Variants in GTF2A1L observed in about 807,000 individuals in gnomAD.
GTF2A1L encodes the protein general transcription factor IIA subunit 1 like, also known as TFIIA-alpha and beta-like factor.
In GTF2A1L, 48 loss-of-function variants were observed where a neutral mutation model predicts 49.7. That is an observed-to-expected ratio of 0.97 (90% CI 0.77 to 1.23). The LOEUF (loss-of-function observed/expected upper bound fraction) is 1.23, where lower values mean the gene tolerates loss of function less well. Ranked by LOEUF, GTF2A1L falls within the 50% of genes most tolerant of loss-of-function variation. The pLI is 0.00. For missense variants in GTF2A1L, 736 were observed against 564.8 expected (o/e 1.30, Z -3.07); for synonymous variants, 246 against 193.5 (o/e 1.27, Z -2.25).
intron 6 of GTF2A1L, among the ~76,000 whole-genome samples, chr2:48,660,697 G>A (rs951071520): frequency 1.3e-5 from 2 of 152,028 alleles, no homozygotes; most frequent in Non-Finnish European, 2.9e-5. Flanking sequence ...GAAGTGCGGT[G>A]GTGTGTGATC....
At chr2:48,623,276 T>C (rs780331226) in intron 3 of GTF2A1L, among the ~76,000 whole-genome samples, 2 of 152,238 alleles carry the variant, frequency 1.3e-5, no homozygotes, top group Non-Finnish European at 2.9e-5. Flanking sequence ...TTTTTTTATC[T>C]CTTTTGATAG....
chr2:48,665,672 G>A (rs1429593468), intron 6 of GTF2A1L, among the ~76,000 whole-genome samples: 1 of 151,982 alleles, frequency 6.6e-6, no homozygotes, highest in Non-Finnish European at 1.5e-5. Flanking sequence ...TTCTTTTGTG[G>A]TCAGAGAATA....
chr2:48,666,850 C>T (rs891339489), intron 6 of GTF2A1L, among the ~76,000 whole-genome samples: 2 of 151,758 alleles, frequency 1.3e-5, no homozygotes, highest in Admixed American at 6.6e-5. Flanking sequence ...GATTTTTTTC[C>T]ACTTTTTTCC....
chr2:48,643,551 A>G (rs1402539050), intron 4 of GTF2A1L, among the ~76,000 whole-genome samples: 1 of 152,118 alleles, frequency 6.6e-6, no homozygotes, highest in Admixed American at 6.6e-5. Context: ...ATTCAAACAA[A>G]TATTTTTTTT....
At position 48,671,589 on chromosome 2, in the gene GTF2A1L, A is replaced by G; in HGVS notation, c.1240-2A>G. 1 of 1,613,150 alleles carries G rather than the reference A, an allele frequency of 6.2e-7. No homozygotes were observed. The highest frequency in any genetic ancestry group is 8.5e-7 in the Non-Finnish European group (1 of 1,179,550). On this transcript the variant is annotated splice_acceptor_variant, in intron 7 of 8. Coordinates refer to ENST00000403751, the MANE Select transcript of GTF2A1L (RefSeq NM_006872.5). LOFTEE classifies it high-confidence loss of function. Reference sequence around the variant, plus strand: ...CTTAATGTGATCATCTTTCGTCTTTAGGACCCTTTAAATTCTGGAGATGAT... The same window carrying G: ...CTTAATGTGATCATCTTTCGTCTTTGGGACCCTTTAAATTCTGGAGATGAT...
chr2:48,670,472 C>A (rs1038920873), intron 7 of GTF2A1L, among the ~76,000 whole-genome samples: 4 of 151,990 alleles, frequency 2.6e-5, no homozygotes, highest in Admixed American at 6.6e-5. Context: ...GAATGGGCTT[C>A]TGTATTGGTC....
At chr2:48,678,912 A>G (rs750465749) in intron 8 of GTF2A1L, among the ~76,000 whole-genome samples, 2 of 152,002 alleles carry the variant, frequency 1.3e-5, no homozygotes, top group Non-Finnish European at 1.5e-5. Flanking sequence ...TCCTGAGTAA[A>G]TATCTGCCTT....
chr2:48,621,326 C>T, intron 3 of GTF2A1L, 36 bp downstream of exon 3: 1 of 1,612,964 alleles, frequency 6.2e-7, no homozygotes, highest in South Asian at 1.1e-5. Context: ...CTGTTAGTAT[C>T]TTCAGAACAA....
At chr2:48,618,157 TG>T (rs949083337) in intron 1 of GTF2A1L, 5 of 493,120 alleles carry the variant, frequency 1.0e-5, no homozygotes, top group Non-Finnish European at 1.8e-5. Context: ...GCTATCTAGT[TG>T]GGGTGTTTAG....
intron 3 of GTF2A1L, among the ~76,000 whole-genome samples, chr2:48,637,722 G>C (rs1233024234): frequency 6.6e-6 from 1 of 152,134 alleles, no homozygotes; most frequent in Non-Finnish European, 1.5e-5. Context: ...TAGATAGGCT[G>C]CTGGCTAGAC....
chr2:48,679,338 C>T lies in GTF2A1L; in HGVS notation c.1333C>T (p.His445Tyr), dbSNP rs901094176. The stretch of plus-strand genomic sequence containing the variant: ...TAAACTACTTTTCTCCCTCCAGATT[C>T]ATCGAAGCAAGAACAAATGGAAATT... ...NVIVCQYDKI[H>Y]RSKNKWKFYL... The change falls in exon 9 of 9, where the codon CAT becomes TAT. Residue 445 changes from histidine to tyrosine, a missense_variant. Physicochemically the swap from His to Tyr is moderately conservative, Grantham distance 83. Transcript: ENST00000403751. 2 of 1,608,090 alleles carry T rather than the reference C, an allele frequency of 1.2e-6. No individual in the cohort carries two copies. The highest frequency in any genetic ancestry group is 1.7e-6 in the Non-Finnish European group (2 of 1,178,046).
intron 3 of GTF2A1L, among the ~76,000 whole-genome samples, chr2:48,640,618 A>G (rs933106495): frequency 6.6e-6 from 1 of 152,182 alleles, no homozygotes; most frequent in African/African-American, 2.4e-5. Flanking sequence ...TCTGTAAAAC[A>G]AAATAATCTG....
At chr2:48,670,400 A>G (rs551170800) in intron 7 of GTF2A1L, among the ~76,000 whole-genome samples, 5 of 152,180 alleles carry the variant, frequency 3.3e-5, no homozygotes, top group Non-Finnish European at 5.9e-5. Context: ...AAGACTTATT[A>G]TATGCTTGGA....
intron 4 of GTF2A1L, among the ~76,000 whole-genome samples, chr2:48,644,160 A>T (rs749191802): frequency 3.3e-5 from 5 of 152,124 alleles, no homozygotes; most frequent in Non-Finnish European, 7.4e-5. Flanking sequence ...AACAGAATGA[A>T]ACCCTGTCTC....
intron 1 of GTF2A1L, among the ~76,000 whole-genome samples, chr2:48,620,087 AT>A (rs1675897047): frequency 6.6e-6 from 1 of 152,120 alleles, no homozygotes; most frequent in Non-Finnish European, 1.5e-5. Flanking sequence ...CTTGGAGTTT[AT>A]TTATATTTGT....
At chr2:48,649,497 T>A (rs1410699117) in intron 6 of GTF2A1L, among the ~76,000 whole-genome samples, 1 of 152,206 alleles carries the variant, frequency 6.6e-6, no homozygotes, top group Non-Finnish European at 1.5e-5. Context: ...TCAGAATTGT[T>A]TTGAATCCCT....
At chr2:48,664,787 A>G (rs1678719839) in intron 6 of GTF2A1L, among the ~76,000 whole-genome samples, 2 of 152,190 alleles carry the variant, frequency 1.3e-5, no homozygotes, top group South Asian at 4.1e-4. Flanking sequence ...TTGAAAGTTG[A>G]TAATATATTA....
At chr2:48,667,944 C>G (rs1162083088) in intron 6 of GTF2A1L, among the ~76,000 whole-genome samples, 1 of 152,084 alleles carries the variant, frequency 6.6e-6, no homozygotes, top group Non-Finnish European at 1.5e-5. Flanking sequence ...CTGTTCAAAC[C>G]TTAGTAAAAC....
intron 6 of GTF2A1L, among the ~76,000 whole-genome samples, chr2:48,654,864 A>G (rs1039867488): frequency 1.3e-5 from 2 of 152,190 alleles, no homozygotes; most frequent in African/African-American, 4.8e-5. Context: ...TCATTAATTC[A>G]TGTGACTATC....
Sources: allele counts gnomAD v4.1 joint callset (sites outside exome capture counted in the v4.1 genomes callset), GRCh38; gene constraint gnomAD v4.1.1; transcripts MANE v1.5; gene names NCBI Gene and HGNC (gene_info 2026-07-23, HGNC 2026-07-21).